Variants in EDNRA observed in about 807,000 individuals in gnomAD.
EDNRA encodes endothelin receptor type A.
EDNRA carries 11 observed loss-of-function variants against 41.4 expected under a neutral mutation model. The ratio of observed to expected loss-of-function variants is 0.27; its 90% CI spans 0.17 to 0.44. The LOEUF (loss-of-function observed/expected upper bound fraction) is 0.44, where lower values mean the gene tolerates loss of function less well. Ranked by LOEUF, EDNRA falls within the 20% of genes least tolerant of loss-of-function variation. The pLI, the probability that EDNRA is intolerant of heterozygous loss-of-function variation, is 1.00. For missense variants in EDNRA, 294 were observed against 531.0 expected, an observed-to-expected ratio of 0.55 and a Z score of 4.39; for synonymous variants, 172 against 183.0, an observed-to-expected ratio of 0.94 and a Z score of 0.49.
At chr4:147,515,197 A>C (rs140811322) in intron 2 of EDNRA, among the ~76,000 whole-genome samples, 31 of 152,258 alleles carry the variant, frequency 2.0e-4, no homozygotes, top group Admixed American at 7.2e-4. Flanking sequence ...TAACCTCAGC[A>C]CCAGTGATAT....
chr4:147,532,734 G>A (rs1730792923), intron 4 of EDNRA, 30 bp downstream of exon 4: 2 of 1,607,768 alleles, frequency 1.2e-6, no homozygotes, highest in East Asian at 2.2e-5. Flanking sequence ...AATTAACTGG[G>A]GAAGGGAGGA....
rs869077171 is a variant in EDNRA, at chr4:147,505,327, A to ATTTTTTTTTTTT, written c.421-14507_421-14496dup. Among the ~76,000 whole-genome samples, 177 of 79,674 alleles carry ATTTTTTTTTTTT rather than the reference A, an allele frequency of 2.2e-3. 18 individuals carry two copies. Among genetic ancestry groups the ATTTTTTTTTTTT allele is most frequent in the African/African-American group, 8.0e-3 (152 of 18,890 alleles). 52.3% of individuals were successfully genotyped at this position (79,674 alleles called of 152,430 possible). A position where few individuals can be genotyped will look rare whatever the true frequency, so the allele number is the denominator to read the frequency against. On this transcript the variant is annotated intron_variant, in intron 2 of 7. Transcript: ENST00000651419. ...AGAGAGTTTGGCAGTTTCTTTTTTC[A>ATTTTTTTTTTTT]TTTTTTTTTTTTTTTTTTTTTTTTT...
At chr4:147,506,538 G>A in intron 2 of EDNRA, 1 of 272,920 alleles carries the variant, frequency 3.7e-6, no homozygotes, top group Admixed American at 4.3e-5. Context: ...GAAAACAGAT[G>A]GAAAATAAGC....
intron 2 of EDNRA, among the ~76,000 whole-genome samples, chr4:147,511,145 G>A (rs1432656303): frequency 3.3e-5 from 5 of 151,980 alleles, no homozygotes; most frequent in East Asian, 1.9e-4. Context: ...TAATACTCTC[G>A]ACACCACAAA....
chr4:147,519,884 G>T lies in EDNRA; in HGVS notation c.454G>T (p.Asp152Tyr). The T allele has an allele frequency of 6.2e-7, 1 of 1,613,564 alleles. No homozygotes were observed. Among genetic ancestry groups the T allele is most frequent in the Non-Finnish European group, 8.5e-7 (1 of 1,179,708 alleles). ...LAGRWPFDHNDFGVFLCKLFP... is the reference protein window; with the variant it reads ...LAGRWPFDHNYFGVFLCKLFP... ...TGGGCGCTGGCCTTTTGATCACAATGACTTTGGCGTATTTCTTTGCAAGCT... is the reference window on the plus strand; with the variant it reads ...TGGGCGCTGGCCTTTTGATCACAATTACTTTGGCGTATTTCTTTGCAAGCT... Residue 152 changes from aspartate (D) to tyrosine (Y), a missense_variant, in exon 3 of 8, where the codon GAC (aspartate) becomes TAC (tyrosine). Physicochemically the swap from Asp to Tyr is radical, Grantham distance 160. Around this residue, in one of 3 missense-constraint regions of EDNRA, gnomAD observed 185 missense variants for 390.8 expected, o/e 0.47. Transcript: ENST00000651419. This position sits in a 1 kb window ranked among gnomAD's most constrained non-coding sequence, Gnocchi z 4.1.
intron 2 of EDNRA, chr4:147,490,351 A>G (rs1729098781): frequency 6.6e-6 from 1 of 152,212 alleles, no homozygotes; most frequent in Non-Finnish European, 1.5e-5. Flanking sequence ...TCAAAGGATA[A>G]CTGATTTTTA....
chr4:147,513,113 G>T (rs917231739), intron 2 of EDNRA, among the ~76,000 whole-genome samples: 1 of 152,126 alleles, frequency 6.6e-6, no homozygotes, highest in African/African-American at 2.4e-5. Flanking sequence ...GGGTCAGTCT[G>T]CCCCCAAGGA....
In EDNRA at chr4:147,520,067, G is replaced by A; in HGVS notation, c.548+89G>A. The stretch of plus-strand genomic sequence containing the variant: ...GAAAAGTCAAGAGAATTCGTGCCCA[G>A]GACAGCTGTTGATTAGCTTCAAGTG... On this transcript the variant is annotated intron_variant, in intron 3 of 7. Coordinates refer to ENST00000651419, the MANE Select transcript of EDNRA (RefSeq NM_001957.4). 13 of 1,486,180 alleles carry A rather than the reference G, an allele frequency of 8.7e-6. No homozygotes were observed. The South Asian group carries it at 1.6e-4, about 18-fold the overall frequency. 92.1% of individuals were successfully genotyped at this position (1,486,180 alleles called of 1,614,324 possible). A position where few individuals can be genotyped will look rare whatever the true frequency, so the allele number is the denominator to read the frequency against.
chr4:147,510,267 G>C (rs1225190824), intron 2 of EDNRA, among the ~76,000 whole-genome samples: 1 of 152,124 alleles, frequency 6.6e-6, no homozygotes, highest in Non-Finnish European at 1.5e-5. Flanking sequence ...AGGTGTCTAG[G>C]AAAGGAACCC....
chr4:147,527,781 G>C (rs1273928760), intron 3 of EDNRA, among the ~76,000 whole-genome samples: 3 of 152,102 alleles, frequency 2.0e-5, no homozygotes, highest in African/African-American at 7.2e-5. Context: ...CCTATCACAT[G>C]ACAGGGTACA....
intron 1 of EDNRA, among the ~76,000 whole-genome samples, chr4:147,483,711 TTTTA>T (rs1728848747): frequency 6.8e-6 from 1 of 146,036 alleles, no homozygotes; most frequent in Non-Finnish European, 1.5e-5. Context: ...ATTTTTTACT[TTTTA>T]TTTATTTAAT....
chr4:147,540,069 T>A (rs1731047208), intron 6 of EDNRA, 119 bp downstream of exon 6: 1 of 1,403,158 alleles, frequency 7.1e-7, no homozygotes, highest in South Asian at 1.5e-5. Context: ...ACTGCAAAGT[T>A]GATTTTTTTC....
intron 3 of EDNRA, among the ~76,000 whole-genome samples, chr4:147,529,292 G>A (rs1468884076): frequency 6.6e-6 from 1 of 152,142 alleles, no homozygotes; most frequent in Admixed American, 6.5e-5. Flanking sequence ...GAGCTCGCAA[G>A]TAGGCAGTTG....
rs150413097 is a variant in EDNRA at position 147,506,710 on chromosome 4, C to T, written c.421-13141C>T. On this transcript the variant is annotated intron_variant, in intron 2 of 7. Coordinates refer to ENST00000651419, the MANE Select transcript of EDNRA (RefSeq NM_001957.4). Reference sequence around the variant, plus strand: ...AATGTAAAAGAGATCCACAAAAACACGTGGGAGCTGAAACCAGAGTACAGA... The same window carrying T: ...AATGTAAAAGAGATCCACAAAAACATGTGGGAGCTGAAACCAGAGTACAGA... 1,250 of 334,102 alleles carry T rather than the reference C, an allele frequency of 3.7e-3. 11 individuals carry two copies. Among genetic ancestry groups the T allele is most frequent in the African/African-American group, 0.019 (839 of 44,936 alleles). The allele number at this position is 334,102 out of a possible 1,614,324, so 20.7% of individuals were successfully genotyped here.
intron 3 of EDNRA, among the ~76,000 whole-genome samples, chr4:147,528,894 T>C (rs1730651306): frequency 6.6e-6 from 1 of 152,008 alleles, no homozygotes; most frequent in Admixed American, 6.6e-5. Flanking sequence ...GGGAAGCCAC[T>C]GGGGGGTTTG....
chr4:147,540,763 TGTATGCTCCA>T (rs1301166896), intron 7 of EDNRA, among the ~76,000 whole-genome samples: 1 of 152,144 alleles, frequency 6.6e-6, no homozygotes, highest in Admixed American at 6.5e-5. Flanking sequence ...AATGTTTCAA[TGTATGCTCCA>T]GGCCACAGAG....
intron 2 of EDNRA, chr4:147,489,875 C>G (rs182543216): frequency 5.3e-4 from 80 of 152,250 alleles, no homozygotes; most frequent in African/African-American, 1.8e-3. Context: ...AATCAAGGCC[C>G]TCCACACTTT....
chr4:147,540,739 C>T (rs913001420), intron 7 of EDNRA, among the ~76,000 whole-genome samples: 6 of 152,098 alleles, frequency 3.9e-5, no homozygotes, highest in African/African-American at 9.7e-5. Flanking sequence ...GTTTAGAACC[C>T]TCCTTTAGAG....
chr4:147,487,681 A>G (rs902177858), intron 2 of EDNRA, among the ~76,000 whole-genome samples: 11 of 152,218 alleles, frequency 7.2e-5, no homozygotes, highest in African/African-American at 2.4e-4. Context: ...GATGAAAACA[A>G]TGGTTACAAT....
Sources: allele counts gnomAD v4.1 joint callset (sites outside exome capture counted in the v4.1 genomes callset), GRCh38; gene constraint gnomAD v4.1.1; regional missense constraint gnomAD v4.1.1; non-coding constraint Gnocchi (gnomAD v3.1); transcripts MANE v1.5; gene names NCBI Gene and HGNC (gene_info 2026-07-23, HGNC 2026-07-21).